The following PLEC variants were observed in gnomAD, a reference collection of about 807,000 sequenced individuals.
PLEC encodes hemidesmosomal protein 1.
Under a neutral mutation model 392.8 loss-of-function variants are expected in PLEC, and 216 were observed. The ratio of observed to expected loss-of-function variants is 0.55; its 90% CI spans 0.49 to 0.62. The LOEUF (loss-of-function observed/expected upper bound fraction) is 0.62. Ranked by LOEUF, PLEC falls within the 20% of genes least tolerant of loss-of-function variation. PLEC has a pLI of 0.00. For synonymous variants in PLEC, 3,621 were observed against 2,980.6 expected (o/e 1.21, Z -7.00); for missense variants, 6,863 against 6,563.4 (o/e 1.05, Z -1.58).
chr8:143,947,522 ATCACCTGAGG>A (rs1464451946), intron 1 of PLEC, among the ~76,000 whole-genome samples: 2 of 152,094 alleles, frequency 1.3e-5, no homozygotes, highest in African/African-American at 4.8e-5. Context: ...AGGCAGGCGG[ATCACCTGAGG>A]TCAGGACTTC....
upstream of PLEC, among the ~76,000 whole-genome samples, chr8:143,955,198 C>T (rs146566239): frequency 1.5e-3 from 231 of 152,248 alleles, 7 homozygotes; most frequent in East Asian, 0.036. Context: ...AATTTCAGGC[C>T]GGGCACGGGG....
chr8:143,973,347 C>T lies in PLEC; in HGVS notation c.70+56G>A. 6.5e-7 allele frequency: 1 copy of T among 1,535,724 alleles called. No homozygotes were observed. The highest frequency in any genetic ancestry group is 8.8e-7 in the Non-Finnish European group (1 of 1,139,136). ...GACCGCCACCGTGGACGACAAGGTG[C>T]TCGGCGGCTGGGCTGTCAGGAGCGG... On this transcript the variant is annotated intron_variant, in intron 1 of 31. Coordinates refer to the PLEC transcript ENST00000356346. The surrounding 1 kb of genome is among the most constrained non-coding windows in gnomAD (Gnocchi z 5.6).
chr8:143,929,168 C>T lies in PLEC; in HGVS notation c.3195G>A (p.Ser1065=), dbSNP rs781817188. 37 of 1,594,838 alleles carry T rather than the reference C, an allele frequency of 2.3e-5. No individual in the cohort carries two copies. The highest frequency in any genetic ancestry group is 9.0e-5 in the South Asian group (8 of 88,530). Residue 1065 remains serine, a synonymous_variant, in exon 25 of 32, where the codon TCG becomes TCA. Coordinates refer to ENST00000345136, the MANE Select transcript of PLEC (RefSeq NM_201384.3). ...GCTTGCCCAGCGTCAGCTCCAGCTC[C>T]GAGCGCAGCGTGGGGGCCGCAGGCG... The part of the protein sequence containing the change: ...EPSPAAPTLR[S]ELELTLGKLE...
Position 143,930,547 on chromosome 8 carries a change from G to C in PLEC, c.2305-11C>G. 1 of 1,576,960 alleles carries C rather than the reference G, an allele frequency of 6.3e-7. No individual in the cohort carries two copies. The highest frequency in any genetic ancestry group is 8.6e-7 in the Non-Finnish European group (1 of 1,163,524). On this transcript the variant is annotated splice_polypyrimidine_tract_variant and intron_variant, in intron 19 of 31. Transcript: ENST00000345136. The stretch of plus-strand genomic sequence containing the variant: ...CTGTTCCTTCTCGTCCTGTGGGGGA[G>C]GGGCAGCATCCAGACGAGGGCCATG...
At position 143,918,606 on chromosome 8, in the gene PLEC, C is replaced by G. The variant is rs547128082; in HGVS notation, c.11215G>C (p.Gly3739Arg). Reference sequence around the variant, plus strand: ...GCCTCATCCACAGTCAGCCGCTCCCCCTTCACCGGGTCCAGCAGGAAGCCT... The same window carrying G: ...GCCTCATCCACAGTCAGCCGCTCCCGCTTCACCGGGTCCAGCAGGAAGCCT... Reference protein sequence around the residue: ...ATGFLLDPVKGERLTVDEAVR... With the variant: ...ATGFLLDPVKRERLTVDEAVR... The change falls in exon 32 of 32, where the codon GGG (glycine) becomes CGG (arginine). Residue 3739 changes from glycine (G) to arginine (R), a missense_variant. Gly to Arg is a moderately radical substitution (Grantham distance 125). Transcript: ENST00000345136. The G allele has an allele frequency of 2.2e-5, 36 of 1,612,698 alleles. No homozygotes were observed. In the East Asian group the frequency reaches 7.4e-4, roughly 33 times the overall value.
At chr8:143,941,121 G>C (rs1228799687), upstream of PLEC, among the ~76,000 whole-genome samples, 1 of 152,242 alleles carries the variant, frequency 6.6e-6, no homozygotes, top group Non-Finnish European at 1.5e-5. Flanking sequence ...CGCCTCTTCA[G>C]AAGCCCTGGG....
exon 1 of PLEC, chr8:143,950,701 C>T (rs1554735952): frequency 6.4e-7 from 1 of 1,563,102 alleles, no homozygotes; most frequent in East Asian, 2.3e-5. Context: ...GCATGCCGGC[C>T]ACCATGGCTG....
chr8:143,917,709 G>C lies in PLEC; in HGVS notation c.12112C>G (p.His4038Asp). 6.2e-7 allele frequency: 1 copy of C among 1,613,550 alleles called. No individual in the cohort carries two copies. The highest frequency in any genetic ancestry group is 8.5e-7 in the Non-Finnish European group (1 of 1,180,004). Residue 4038 changes from histidine to aspartate, a missense_variant, in exon 32 of 32, where the codon CAT (histidine) becomes GAT (aspartate). Physicochemically the swap from His to Asp is moderately conservative, Grantham distance 81 (BLOSUM62 -1). Coordinates refer to ENST00000345136, the MANE Select transcript of PLEC (RefSeq NM_201384.3). ...TGGGCCTCCAGCAGGCGGATGCCAT[G>C]GTCCTTCAGGATCAGGCCCTTCTTC... ...AMKKGLILKD[H>D]GIRLLEAQIA...
rs782508927 is a variant in PLEC, at chr8:143,920,177, T to C, written c.9644A>G (p.Lys3215Arg). 8.0e-5 allele frequency: 129 copies of C among 1,611,906 alleles called. No homozygotes were observed. The highest frequency in any genetic ancestry group is 1.1e-4 in the Non-Finnish European group (125 of 1,179,918). The stretch of plus-strand genomic sequence containing the variant: ...CTCCTCCTGCCGGGCCCGAGCAGCC[T>C]TTTCTGAGAGCGGCAGCAGGCTCAG... Reference protein sequence around the residue: ...TGLSLLPLSEKAARARQEELY... With the variant: ...TGLSLLPLSERAARARQEELY... The change falls in exon 32 of 32, where the codon AAG becomes AGG. Residue 3215 changes from lysine to arginine, a missense_variant. Physicochemically the swap from Lys to Arg is conservative, Grantham distance 26 (BLOSUM62 2). Coordinates refer to ENST00000345136, the MANE Select transcript of PLEC (RefSeq NM_201384.3).
intron 1 of PLEC, among the ~76,000 whole-genome samples, chr8:143,946,018 C>T (rs1172849899): frequency 6.6e-6 from 1 of 152,256 alleles, no homozygotes; most frequent in Non-Finnish European, 1.5e-5. Context: ...GCCGACAGGC[C>T]GGACGTTTCA....
rs1826584860 is a variant in PLEC at position 143,929,846 on chromosome 8, G to A, written c.2740-17C>T. On this transcript the variant is annotated splice_polypyrimidine_tract_variant and intron_variant, in intron 22 of 31. Transcript: ENST00000345136. ...GGTGCGGAACTGGGGGAAGCACGTG[G>A]GGCTGAGTGCCGGGCGAGGCGGCCG... 6.3e-7 allele frequency: 1 copy of A among 1,599,994 alleles called. No homozygotes were observed. The highest frequency in any genetic ancestry group is 8.5e-7 in the Non-Finnish European group (1 of 1,178,718).
intron 1 of PLEC, among the ~76,000 whole-genome samples, chr8:143,967,754 A>G (rs1377171496): frequency 6.6e-6 from 1 of 152,230 alleles, no homozygotes; most frequent in African/African-American, 2.4e-5. Context: ...AGCCTGGCCA[A>G]CAATGCTTGT....
intron 25 of PLEC, among the ~76,000 whole-genome samples, 178 bp downstream of exon 25, chr8:143,928,925 C>A (rs1281969227): frequency 1.3e-5 from 2 of 152,206 alleles, no homozygotes; most frequent in Non-Finnish European, 2.9e-5. Context: ...GCGTATCCAG[C>A]CCTGAACTCT....
At chr8:143,948,794 C>T (rs1326222691) in intron 1 of PLEC, among the ~76,000 whole-genome samples, 2 of 152,208 alleles carry the variant, frequency 1.3e-5, no homozygotes, top group Non-Finnish European at 2.9e-5. Context: ...GAGGGACTCC[C>T]AGTCACCACA....
chr8:143,954,991 G>A (rs1005637781), upstream of PLEC, among the ~76,000 whole-genome samples: 5 of 152,176 alleles, frequency 3.3e-5, no homozygotes, highest in Admixed American at 3.3e-4. The surrounding 1 kb of genome is among the most constrained non-coding windows in gnomAD (Gnocchi z 4.6). Flanking sequence ...GAGGCCGGCA[G>A]CTCCCACGGG....
At position 143,923,377 on chromosome 8, in the gene PLEC, C is replaced by T; in HGVS notation, c.6552G>A (p.Val2184=). 6.2e-7 allele frequency: 1 copy of T among 1,610,568 alleles called. No individual in the cohort carries two copies. Among genetic ancestry groups the T allele is most frequent in the Non-Finnish European group, 8.5e-7 (1 of 1,179,502 alleles). Residue 2184 remains valine (V), a synonymous_variant, in exon 31 of 32, where the codon GTG becomes GTA. Coordinates refer to ENST00000345136, the MANE Select transcript of PLEC (RefSeq NM_201384.3). The part of the protein sequence containing the change: ...AEQTLRQKAQ[V]EQELTTLRLQ... ...GCCGCAGTGTTGTCAGCTCCTGCTCCACCTGCGCCTTCTGCCGCAGCGTCT... is the reference window on the plus strand; with the variant it reads ...GCCGCAGTGTTGTCAGCTCCTGCTCTACCTGCGCCTTCTGCCGCAGCGTCT...
chr8:143,924,405 T>A lies in PLEC; in HGVS notation c.5524A>T (p.Ile1842Phe). The A allele has an allele frequency of 6.3e-7, 1 of 1,593,612 alleles. No homozygotes were observed. Among genetic ancestry groups the A allele is most frequent in the Non-Finnish European group, 8.5e-7 (1 of 1,177,298 alleles). Residue 1842 changes from isoleucine (I) to phenylalanine (F), a missense_variant, in exon 31 of 32, where the codon ATC (isoleucine) becomes TTC (phenylalanine). Transcript: ENST00000345136. ...GTCTTGAGCCGCGTGGCCTCGCCGATGGCGGCCAGCTTCTCCGCAAGCACC... is the reference window on the plus strand; with the variant it reads ...GTCTTGAGCCGCGTGGCCTCGCCGAAGGCGGCCAGCTTCTCCGCAAGCACC... ...ERVLAEKLAA[I>F]GEATRLKTEA...
At chr8:143,944,755 G>T in intron 1 of PLEC, 4 of 1,256,088 alleles carry the variant, frequency 3.2e-6, no homozygotes, top group Middle Eastern at 2.1e-4. Flanking sequence ...AGCCACTGGC[G>T]GCAGCGTCGG....
chr8:143,963,138 G>A (rs1368309657), intron 1 of PLEC, among the ~76,000 whole-genome samples: 1 of 152,188 alleles, frequency 6.6e-6, no homozygotes, highest in Non-Finnish European at 1.5e-5. Context: ...GACCCAGAAG[G>A]TTTATGAGAA....
Sources: allele counts gnomAD v4.1 joint callset (sites outside exome capture counted in the v4.1 genomes callset), GRCh38; gene constraint gnomAD v4.1.1; non-coding constraint Gnocchi (gnomAD v3.1); transcripts MANE v1.5; gene names NCBI Gene and HGNC (gene_info 2026-07-23, HGNC 2026-07-21).